The following DNM3 variants were observed in gnomAD, a reference collection of about 807,000 sequenced individuals.
DNM3 encodes dynamin 3, also known as dynamin-3.
Under a neutral mutation model 101.6 loss-of-function variants are expected in DNM3, and 47 were observed. That is an observed-to-expected ratio of 0.46 (90% CI 0.37 to 0.59). The LOEUF is 0.59. DNM3 is among the 20% of genes least tolerant of loss of function. The pLI is 0.00. For missense variants in DNM3, 849 were observed against 1,085.7 expected (o/e 0.78, Z 3.06); for synonymous variants, 385 against 387.9 (o/e 0.99, Z 0.09).
chr1:172,330,330 T>C (rs1438938906), intron 17 of DNM3, among the ~76,000 whole-genome samples: 3 of 152,034 alleles, frequency 2.0e-5, no homozygotes, highest in Non-Finnish European at 2.9e-5. Flanking sequence ...TATAAAGATA[T>C]ATATATAGAA....
At chr1:172,178,489 G>A (rs1052351781) in intron 14 of DNM3, among the ~76,000 whole-genome samples, 1 of 151,826 alleles carries the variant, frequency 6.6e-6, no homozygotes, top group Admixed American at 6.6e-5. Flanking sequence ...GGAGAGGGGA[G>A]TAGGAGGTTG....
At chr1:172,025,824 G>T (rs184458173) in intron 4 of DNM3, among the ~76,000 whole-genome samples, 1 of 152,286 alleles carries the variant, frequency 6.6e-6, no homozygotes, top group African/African-American at 2.4e-5. Context: ...AAGACCAAAG[G>T]TAGATAAATC....
chr1:171,994,713 C>G (rs2045875191), intron 4 of DNM3, among the ~76,000 whole-genome samples: 1 of 131,302 alleles, frequency 7.6e-6, no homozygotes, highest in South Asian at 2.2e-4. Context: ...TTTTTTCTTT[C>G]TTTCTTTTTT....
chr1:171,930,044 G>T (rs1300497282), intron 2 of DNM3, among the ~76,000 whole-genome samples: 4 of 152,042 alleles, frequency 2.6e-5, no homozygotes, highest in African/African-American at 9.7e-5. Context: ...TGCAGGCTCT[G>T]GTTGAAAGGT....
At chr1:171,952,800 A>G (rs1306025906) in intron 2 of DNM3, among the ~76,000 whole-genome samples, 7 of 152,322 alleles carry the variant, frequency 4.6e-5, no homozygotes, top group Middle Eastern at 6.8e-3. Context: ...CTTTGCTTCT[A>G]TAGAAACCAA....
At chr1:172,383,088 G>C (rs1278192191) in intron 18 of DNM3, among the ~76,000 whole-genome samples, 1 of 152,066 alleles carries the variant, frequency 6.6e-6, no homozygotes, top group African/African-American at 2.4e-5. Context: ...GCACTGATTT[G>C]TTTCCACCAG....
At chr1:172,229,213 T>C (rs2061245583) in intron 14 of DNM3, among the ~76,000 whole-genome samples, 1 of 152,210 alleles carries the variant, frequency 6.6e-6, no homozygotes, top group Admixed American at 6.5e-5. Context: ...CCAACCATTA[T>C]GCTTAATTCA....
At chr1:172,346,140 A>G (rs2066927747) in intron 17 of DNM3, among the ~76,000 whole-genome samples, 1 of 150,692 alleles carries the variant, frequency 6.6e-6, no homozygotes, top group Non-Finnish European at 1.5e-5. Flanking sequence ...AAAAAAAAAA[A>G]AAGAAAGAAA....
chr1:172,252,353 A>C (rs1477192418), intron 14 of DNM3, among the ~76,000 whole-genome samples: 1 of 152,148 alleles, frequency 6.6e-6, no homozygotes, highest in Non-Finnish European at 1.5e-5. Flanking sequence ...ACAATACAAC[A>C]TGTTACCCAC....
intron 4 of DNM3, among the ~76,000 whole-genome samples, chr1:172,021,801 A>G (rs536258882): frequency 1.3e-5 from 2 of 152,350 alleles, no homozygotes; most frequent in Admixed American, 6.5e-5. Flanking sequence ...GAGACACATA[A>G]TTAAAACACA....
At chr1:172,042,988 G>A (rs10910969) in intron 8 of DNM3, among the ~76,000 whole-genome samples, 56,753 of 151,900 alleles carry the variant, frequency 0.37, 11,110 homozygotes, top group East Asian at 0.64. Context: ...TGTGGAGTCT[G>A]AAGCTTCTAC....
intron 1 of DNM3, among the ~76,000 whole-genome samples, chr1:171,866,765 A>G: frequency 6.6e-6 from 1 of 151,884 alleles, no homozygotes. Flanking sequence ...CATATGCCCC[A>G]TTTTATTATA....
chr1:172,322,839 C>T, intron 16 of DNM3, among the ~76,000 whole-genome samples: 1 of 151,384 alleles, frequency 6.6e-6, no homozygotes, highest in East Asian at 1.9e-4. Flanking sequence ...TTTTTTTCCA[C>T]CTTCTTTGAA....
chr1:172,168,386 A>G (rs551742), intron 14 of DNM3, among the ~76,000 whole-genome samples: 4,819 of 152,110 alleles, frequency 0.032, 259 homozygotes, highest in African/African-American at 0.11. Context: ...GTATATTTTA[A>G]CAAAAGGTTT....
intron 15 of DNM3, among the ~76,000 whole-genome samples, chr1:172,296,227 AG>A (rs2064155173): frequency 6.6e-6 from 1 of 152,178 alleles, no homozygotes; most frequent in African/African-American, 2.4e-5. Context: ...AATTTATTAG[AG>A]GGGTTGGAGC....
chr1:172,218,407 G>A (rs2060783227), intron 14 of DNM3, among the ~76,000 whole-genome samples: 1 of 152,038 alleles, frequency 6.6e-6, no homozygotes, highest in Admixed American at 6.6e-5. Context: ...TAATGAGTAA[G>A]GGTAAGGAGG....
At chr1:171,844,217 A>G (rs76349666) in intron 1 of DNM3, among the ~76,000 whole-genome samples, 1,850 of 152,272 alleles carry the variant, frequency 0.012, 37 homozygotes, top group African/African-American at 0.041. Context: ...CTACTGTAAC[A>G]TCTTAGCATT....
At chr1:172,085,528 G>A (rs890096001) in intron 12 of DNM3, among the ~76,000 whole-genome samples, 1 of 152,118 alleles carries the variant, frequency 6.6e-6, no homozygotes, top group African/African-American at 2.4e-5. Context: ...CTATAGATAT[G>A]TGCCGTTAGA....
intron 17 of DNM3, among the ~76,000 whole-genome samples, chr1:172,376,940 G>C (rs1173413856): frequency 3.3e-5 from 5 of 151,944 alleles, no homozygotes; most frequent in African/African-American, 1.2e-4. Context: ...GTGAAGCATG[G>C]TTACATGTTA....
Sources: allele counts gnomAD v4.1 joint callset (sites outside exome capture counted in the v4.1 genomes callset), GRCh38; gene constraint gnomAD v4.1.1; transcripts MANE v1.5; gene names NCBI Gene and HGNC (gene_info 2026-07-23, HGNC 2026-07-21).